The following TCTN3 variants were observed in gnomAD, a reference collection of about 807,000 sequenced individuals.
TCTN3 encodes the protein tectonic-3.
TCTN3 carries 57 observed loss-of-function variants against 71.3 expected under a neutral mutation model. The ratio of observed to expected loss-of-function variants is 0.80; its 90% confidence interval spans 0.65 to 1.00. TCTN3 has a LOEUF of 1.00. Ranked by LOEUF, TCTN3 falls within the 50% of genes least tolerant of loss-of-function variation. TCTN3 has a pLI of 0.00. For synonymous variants in TCTN3, 258 were observed against 267.8 expected (o/e 0.96, Z 0.36); for missense variants, 696 against 719.9 (o/e 0.97, Z 0.38).
chr10:95,684,609 C>A lies in TCTN3; in HGVS notation c.985G>T (p.Glu329Ter). 4 of 1,613,958 alleles carry A rather than the reference C, an allele frequency of 2.5e-6. No homozygotes were observed. Among genetic ancestry groups the A allele is most frequent in the Non-Finnish European group, 2.5e-6 (3 of 1,179,896 alleles). ...NVVSQVTYEI[E>*]TNGTFGIQKV... ...TGGATTCCAAAAGTCCCATTGGTCT[C>A]TATCTCATAGGTGACCTGAAATGCA... Residue 329 changes from glutamate (E) to a stop codon, truncating the protein, a stop_gained, in exon 9 of 14, where the codon GAG becomes TAG. Coordinates refer to ENST00000371217, the MANE Select transcript of TCTN3 (RefSeq NM_015631.6). LOFTEE classifies it high-confidence loss of function.
intron 13 of TCTN3, among the ~76,000 whole-genome samples, chr10:95,667,736 C>T (rs929758728): frequency 6.6e-6 from 1 of 152,172 alleles, no homozygotes; most frequent in East Asian, 1.9e-4. Flanking sequence ...GATGGTTTTA[C>T]ACCCATACCC....
At chr10:95,689,648 GAT>G (rs1555270550) in intron 3 of TCTN3, among the ~76,000 whole-genome samples, 2 of 152,180 alleles carry the variant, frequency 1.3e-5, no homozygotes, top group Admixed American at 1.3e-4. Context: ...TCAGTGCAAA[GAT>G]ATTGGCGGTA....
At chr10:95,687,426 G>C in intron 4 of TCTN3, 71 bp from the exon 5 acceptor site, 2 of 1,517,426 alleles carry the variant, frequency 1.3e-6, no homozygotes, top group Non-Finnish European at 1.8e-6. Flanking sequence ...AGAAAGAGTA[G>C]AAACAAGGTT....
chr10:95,687,377 C>T (rs1362844200), intron 4 of TCTN3, 22 bp from the exon 5 acceptor site: 3 of 1,584,596 alleles, frequency 1.9e-6, no homozygotes, highest in Non-Finnish European at 2.6e-6. Context: ...ATAAAAGAAA[C>T]TTTGTTCACA....
chr10:95,686,393 G>T, intron 7 of TCTN3, 102 bp downstream of exon 7: 1 of 1,236,230 alleles, frequency 8.1e-7, no homozygotes, highest in Non-Finnish European at 1.2e-6. Flanking sequence ...GCTACATCAC[G>T]CTTACATTTA....
rs372986038 is a variant in TCTN3 at position 95,684,437 on chromosome 10, G to T, written c.1095+62C>A. The T allele has an allele frequency of 3.1e-5, 49 of 1,577,766 alleles. No homozygotes were observed. The African/African-American group carries it at 3.3e-4, about 11-fold the overall frequency. On this transcript the variant is annotated intron_variant, in intron 9 of 13. Coordinates refer to ENST00000371217, the MANE Select transcript of TCTN3 (RefSeq NM_015631.6). ...ATTTCACATGTATTACAGAAGCAAA[G>T]AAATTATTTCTAACCCAATATTTCT...
chr10:95,683,822 A>G (rs2097945621), intron 9 of TCTN3, among the ~76,000 whole-genome samples, 193 bp from the exon 10 acceptor site: 2 of 152,222 alleles, frequency 1.3e-5, no homozygotes, highest in Non-Finnish European at 2.9e-5. Flanking sequence ...TAAATCCTTC[A>G]TGATCTGAAT....
intron 3 of TCTN3, among the ~76,000 whole-genome samples, chr10:95,691,230 G>A (rs1179118044): frequency 6.6e-6 from 1 of 152,150 alleles, no homozygotes; most frequent in Non-Finnish European, 1.5e-5. Flanking sequence ...GTGCAGTGGT[G>A]CAATCTCAGC....
chr10:95,666,468 T>C (rs1409112689), intron 13 of TCTN3, among the ~76,000 whole-genome samples: 1 of 103,812 alleles, frequency 9.6e-6, no homozygotes, highest in Admixed American at 9.2e-5. Flanking sequence ...AACTTTCTTT[T>C]GACTTAAACT....
chr10:95,680,757 G>T, intron 12 of TCTN3, 148 bp from the exon 13 acceptor site: 3 of 706,480 alleles, frequency 4.2e-6, no homozygotes, highest in Non-Finnish European at 6.5e-6. Flanking sequence ...TTCACAATAA[G>T]ACTATGTTAT....
chr10:95,684,710 T>C, intron 8 of TCTN3, 86 bp from the exon 9 acceptor site: 1 of 1,451,658 alleles, frequency 6.9e-7, no homozygotes, highest in Non-Finnish European at 9.3e-7. Flanking sequence ...TTCAAGGGTG[T>C]TATTATAACT....
chr10:95,678,696 T>TA (rs1415774255), intron 13 of TCTN3, among the ~76,000 whole-genome samples: 1 of 151,992 alleles, frequency 6.6e-6, no homozygotes, highest in African/African-American at 2.4e-5. Context: ...ATTGAAGAAG[T>TA]AAAAAAAATT....
At chr10:95,689,097 T>A (rs1401326948) in intron 3 of TCTN3, among the ~76,000 whole-genome samples, 1 of 152,170 alleles carries the variant, frequency 6.6e-6, no homozygotes, top group Non-Finnish European at 1.5e-5. Flanking sequence ...ACTTTTCAGC[T>A]TGCTGAAAAG....
chr10:95,692,859 G>A, intron 3 of TCTN3, 61 bp downstream of exon 3: 1 of 1,267,338 alleles, frequency 7.9e-7, no homozygotes, highest in Non-Finnish European at 1.2e-6. Flanking sequence ...GTGGGCCAGG[G>A]AAGACAAAAT....
chr10:95,692,154 A>T (rs1446642018), intron 3 of TCTN3, among the ~76,000 whole-genome samples: 2 of 152,216 alleles, frequency 1.3e-5, no homozygotes, highest in Non-Finnish European at 2.9e-5. Context: ...AGGAATGATT[A>T]AAATGATTGA....
intron 13 of TCTN3, among the ~76,000 whole-genome samples, chr10:95,679,121 T>A (rs1036154022): frequency 6.6e-6 from 1 of 152,180 alleles, no homozygotes; most frequent in East Asian, 1.9e-4. Context: ...ATGACTGTAG[T>A]GTGGTTTTGT....
Position 95,693,833 on chromosome 10 carries a change from G to A in TCTN3, c.67C>T (p.Gln23Ter). 3 of 1,551,754 alleles carry A rather than the reference G, an allele frequency of 1.9e-6. No homozygotes were observed. Among genetic ancestry groups the A allele is most frequent in the Non-Finnish European group, 2.6e-6 (3 of 1,147,012 alleles). ...FLVFPDGVRPQPSSSPSGAVP... is the reference protein window; with the variant it reads ...FLVFPDGVRP ...GCCCCTGATGGGGAGGAAGAGGGCT[G>A]AGGCCGGACGCCATCGGGGAACACC... Residue 23 changes from glutamine (Q) to a stop codon, truncating the protein, a stop_gained, in exon 1 of 14, where the codon CAG becomes TAG. Transcript: ENST00000371217. LOFTEE classifies it high-confidence loss of function.
intron 13 of TCTN3, among the ~76,000 whole-genome samples, chr10:95,675,616 A>G (rs1164808424): frequency 6.6e-6 from 1 of 152,184 alleles, no homozygotes; most frequent in Non-Finnish European, 1.5e-5. Context: ...TGAAAGAAAG[A>G]TTTCAGTGAC....
intron 13 of TCTN3, among the ~76,000 whole-genome samples, chr10:95,668,246 T>C (rs1300139694): frequency 2.3e-5 from 2 of 85,572 alleles, no homozygotes; most frequent in Admixed American, 1.6e-4. Context: ...AACAGATTAA[T>C]AGGAGTGCCA....
Sources: allele counts gnomAD v4.1 joint callset (sites outside exome capture counted in the v4.1 genomes callset), GRCh38; gene constraint gnomAD v4.1.1; transcripts MANE v1.5; gene names NCBI Gene and HGNC (gene_info 2026-07-23, HGNC 2026-07-21).